Variants in MYOF observed in about 807,000 individuals in gnomAD.
MYOF encodes the protein fer-1-like 3, myoferlin.
In MYOF, 244 loss-of-function variants were observed where a neutral mutation model predicts 284.2. That is an observed-to-expected ratio of 0.86 (90% CI 0.77 to 0.95). The LOEUF (loss-of-function observed/expected upper bound fraction) is 0.95. MYOF is among the 40% of genes least tolerant of loss of function. MYOF has a pLI of 0.00. For synonymous variants in MYOF, 904 were observed against 919.7 expected, an observed-to-expected ratio of 0.98 and a Z score of 0.31; for missense variants, 2,496 against 2,560.6, an observed-to-expected ratio of 0.97 and a Z score of 0.54.
intron 19 of MYOF, among the ~76,000 whole-genome samples, chr10:93,385,988 C>G (rs1169661572): frequency 6.6e-6 from 1 of 152,116 alleles, no homozygotes; most frequent in Non-Finnish European, 1.5e-5. Flanking sequence ...GGGCCTCTTT[C>G]TCCTTCTCCC....
In MYOF at chr10:93,424,614, G is replaced by A. The variant is rs535855053; in HGVS notation, c.433+1457C>T. ...GGCAGAGCATGCTGCTGATGTGCTG[G>A]GGCCATCTCAGTCTTGTCACCAAGA... On this transcript the variant is annotated intron_variant, in intron 5 of 53. Coordinates refer to ENST00000359263, the MANE Select transcript of MYOF (RefSeq NM_013451.4). Among the ~76,000 whole-genome samples the A allele has an allele frequency of 2.0e-4, 31 of 152,286 alleles. 1 individual carries two copies. In the South Asian group the frequency reaches 5.8e-3, roughly 29 times the overall value.
At chr10:93,310,403 C>A in intron 52 of MYOF, 131 bp downstream of exon 52, 1 of 1,023,008 alleles carries the variant, frequency 9.8e-7, no homozygotes, top group Non-Finnish European at 1.4e-6. Context: ...AACCTCTCCA[C>A]CCCCACCCAC....
At chr10:93,341,973 G>A in intron 38 of MYOF, 1 of 1,289,644 alleles carries the variant, frequency 7.8e-7, no homozygotes, top group Non-Finnish European at 1.0e-6. Flanking sequence ...TTAAGCACTG[G>A]AATTGGAAGG....
At chr10:93,328,679 C>G (rs957577987) in intron 45 of MYOF, 84 bp downstream of exon 45, 2 of 1,391,872 alleles carry the variant, frequency 1.4e-6, no homozygotes, top group Non-Finnish European at 2.0e-6. Flanking sequence ...GGTACTGGCT[C>G]TGTCTATTCA....
chr10:93,393,645 C>T (rs747522344), intron 16 of MYOF, among the ~76,000 whole-genome samples: 1 of 152,198 alleles, frequency 6.6e-6, no homozygotes, highest in Non-Finnish European at 1.5e-5. Flanking sequence ...GGATTTCAGT[C>T]ATCTTTACCC....
At position 93,431,367 on chromosome 10, in the gene MYOF, A is replaced by G. The variant is rs371420195; in HGVS notation, c.345+41T>C. The G allele has an allele frequency of 7.0e-6, 11 of 1,568,498 alleles. No homozygotes were observed. The African/African-American group carries it at 1.5e-4, about 21-fold the overall frequency. ...TTTCTTAATGAAATTTTGCTCAATC[A>G]TCTCACTTCAAAGCCATTCAATAAG... On this transcript the variant is annotated intron_variant, in intron 4 of 53. Coordinates refer to ENST00000359263, the MANE Select transcript of MYOF (RefSeq NM_013451.4).
chr10:93,445,969 C>T (rs11187431), intron 3 of MYOF, among the ~76,000 whole-genome samples: 9,716 of 151,778 alleles, frequency 0.064, 1,285 homozygotes, highest in East Asian at 0.64. Flanking sequence ...CCAAAATACA[C>T]AAATATTTTG....
rs763324256 is a variant in MYOF, at chr10:93,316,813, C to T, written c.5599G>A (p.Glu1867Lys). 6.2e-7 allele frequency: 1 copy of T among 1,610,900 alleles called. No homozygotes were observed. Among genetic ancestry groups the T allele is most frequent in the East Asian group, 2.2e-5 (1 of 44,846 alleles). ...GTTTGGTCAATACTCCAGAAATGCT[C>T]CTAAAACAAAAAGAAACATGATCAT... ...AEQLCIVAKK[E>K]HFWSIDQTEF... The change falls in exon 50 of 54, where the codon GAG becomes AAG. Residue 1867 changes from glutamate to lysine, a missense_variant and splice_region_variant. This residue lies in a region of MYOF where 2,436 missense variants were observed against 2,480.7 expected (regional missense o/e 0.98). Transcript: ENST00000359263.
At chr10:93,410,680 C>T (rs1450379380) in intron 5 of MYOF, among the ~76,000 whole-genome samples, 1 of 152,200 alleles carries the variant, frequency 6.6e-6, no homozygotes, top group Non-Finnish European at 1.5e-5. Context: ...TTTCTTAATA[C>T]ACAAAGAGTT....
At chr10:93,433,197 G>A (rs1284404484) in intron 3 of MYOF, among the ~76,000 whole-genome samples, 2 of 152,024 alleles carry the variant, frequency 1.3e-5, no homozygotes, top group Non-Finnish European at 2.9e-5. Flanking sequence ...CGTTCTTATT[G>A]ACCAGCCTGG....
chr10:93,403,223 A>G (rs1440128726), intron 9 of MYOF, among the ~76,000 whole-genome samples: 2 of 152,286 alleles, frequency 1.3e-5, no homozygotes, highest in South Asian at 2.1e-4. Context: ...TGGTCATCCT[A>G]CAGAAATTCA....
intron 39 of MYOF, among the ~76,000 whole-genome samples, chr10:93,338,121 C>T (rs943655652): frequency 4.0e-5 from 6 of 151,242 alleles, no homozygotes; most frequent in African/African-American, 9.7e-5. Flanking sequence ...CATTCTGGGC[C>T]GATGAAATGT....
At chr10:93,392,869 A>C (rs776067521) in intron 17 of MYOF, 48 bp downstream of exon 17, 1 of 1,522,356 alleles carries the variant, frequency 6.6e-7, no homozygotes, top group Non-Finnish European at 9.1e-7. Flanking sequence ...TAATAAGATA[A>C]TATTAGCTAG....
chr10:93,439,622 C>T (rs545807226), intron 3 of MYOF, among the ~76,000 whole-genome samples: 10 of 152,338 alleles, frequency 6.6e-5, no homozygotes, highest in Middle Eastern at 3.4e-3. Flanking sequence ...TTAACTTCTC[C>T]GAGCTTCAGT....
chr10:93,397,590 T>G (rs767851151), intron 13 of MYOF, 134 bp from the exon 14 acceptor site: 88 of 552,398 alleles, frequency 1.6e-4, no homozygotes, highest in Non-Finnish European at 2.3e-4. Flanking sequence ...TTATTTTTCT[T>G]GATGATTTGT....
intron 12 of MYOF, 50 bp from the exon 13 acceptor site, chr10:93,399,545 T>G: frequency 7.0e-7 from 1 of 1,435,560 alleles, no homozygotes; most frequent in Non-Finnish European, 9.6e-7. Flanking sequence ...TCCCAGAAAT[T>G]TGGCAAAATT....
At chr10:93,393,832 G>A (rs1846821479) in intron 16 of MYOF, among the ~76,000 whole-genome samples, 1 of 151,036 alleles carries the variant, frequency 6.6e-6, no homozygotes, top group South Asian at 2.1e-4. Flanking sequence ...CTTTTACACT[G>A]TAATGGGTGA....
At chr10:93,310,952 T>C (rs1842355737) in intron 51 of MYOF, among the ~76,000 whole-genome samples, 2 of 152,196 alleles carry the variant, frequency 1.3e-5, no homozygotes, top group East Asian at 3.9e-4. Context: ...GTAACTTCAC[T>C]TGGACCCAGA....
At chr10:93,405,368 G>A (rs373267503) in intron 7 of MYOF, among the ~76,000 whole-genome samples, 5 of 152,166 alleles carry the variant, frequency 3.3e-5, no homozygotes, top group South Asian at 2.1e-4. Flanking sequence ...GTTGCATTTC[G>A]TTTTTGAGTC....
Sources: allele counts gnomAD v4.1 joint callset (sites outside exome capture counted in the v4.1 genomes callset), GRCh38; gene constraint gnomAD v4.1.1; regional missense constraint gnomAD v4.1.1; transcripts MANE v1.5; gene names NCBI Gene and HGNC (gene_info 2026-07-23, HGNC 2026-07-21).